DPEP1: variants seen among roughly 807,000 people sequenced by gnomAD.
DPEP1 encodes the protein dipeptidase 1.
DPEP1 carries 50 observed loss-of-function variants against 42.3 expected under a neutral mutation model. The observed-to-expected ratio is 1.18, with a 90% CI of 0.94 to 1.50. The LOEUF (loss-of-function observed/expected upper bound fraction) is 1.50. DPEP1 is among the 40% of genes most tolerant of loss of function. The pLI is 0.00. For synonymous variants in DPEP1, 297 were observed against 234.0 expected (o/e 1.27, Z -2.46); for missense variants, 663 against 553.0 (o/e 1.20, Z -1.99).
At chr16:89,632,459 G>A (rs57059500) in intron 2 of DPEP1, among the ~76,000 whole-genome samples, 67 of 152,298 alleles carry the variant, frequency 4.4e-4, no homozygotes, top group African/African-American at 1.5e-3. Flanking sequence ...CTGTGTGCCC[G>A]CTAAAAACGG....
intron 3 of DPEP1, 112 bp downstream of exon 3, chr16:89,636,152 C>T: frequency 1.9e-6 from 3 of 1,547,156 alleles, no homozygotes; most frequent in Non-Finnish European, 2.6e-6. Context: ...TCCCTCGGTG[C>T]CCAGGCCGAG....
chr16:89,636,408 A>G lies in DPEP1; in HGVS notation c.370+12A>G. 3 of 1,608,584 alleles carry G rather than the reference A, an allele frequency of 1.9e-6. No individual in the cohort carries two copies. The highest frequency in any genetic ancestry group is 2.5e-6 in the Non-Finnish European group (3 of 1,177,460). Reference sequence around the variant, plus strand: ...CACCAGCAGTGCAGGTGGGGTCCTGACCTGGGTCCTCCAGGTCCTGCGTCT... The same window carrying G: ...CACCAGCAGTGCAGGTGGGGTCCTGGCCTGGGTCCTCCAGGTCCTGCGTCT... On this transcript the variant is annotated intron_variant, in intron 4 of 10. Coordinates refer to ENST00000690203, the MANE Select transcript of DPEP1 (RefSeq NM_001389466.1).
rs535936796 is a variant in DPEP1 at position 89,621,447 on chromosome 16, A to T, written c.-107+7728A>T. 2.0e-4 allele frequency among the ~76,000 whole-genome samples: 31 copies of T among 152,270 alleles called. No individual in the cohort carries two copies. In the South Asian group the frequency reaches 5.2e-3, roughly 25 times the overall value. Reference sequence around the variant, plus strand: ...AGGGGCCTGTGGACTCCCCCAGTGCAGACATCAGCCTGGTCAGGAGCCAGA... The same window carrying T: ...AGGGGCCTGTGGACTCCCCCAGTGCTGACATCAGCCTGGTCAGGAGCCAGA... On this transcript the variant is annotated intron_variant, in intron 1 of 10. Coordinates refer to ENST00000690203, the MANE Select transcript of DPEP1 (RefSeq NM_001389466.1).
chr16:89,636,143 C>T, intron 3 of DPEP1, 103 bp downstream of exon 3: 3 of 1,546,170 alleles, frequency 1.9e-6, no homozygotes, highest in Non-Finnish European at 1.7e-6. Flanking sequence ...CCTCCAGGGT[C>T]CCTCGGTGCC....
intron 1 of DPEP1, among the ~76,000 whole-genome samples, chr16:89,625,943 C>T (rs2059505618): frequency 6.6e-6 from 1 of 152,176 alleles, no homozygotes; most frequent in South Asian, 2.1e-4. Flanking sequence ...CCCTGCCCAA[C>T]CCCCAGGACG....
intron 1 of DPEP1, among the ~76,000 whole-genome samples, chr16:89,629,833 C>T (rs773541140): frequency 1.3e-5 from 2 of 152,184 alleles, no homozygotes; most frequent in South Asian, 2.1e-4. Context: ...ACAGGGCAGG[C>T]GCCAGGGGCA....
chr16:89,618,320 C>T (rs1038322535), intron 1 of DPEP1, among the ~76,000 whole-genome samples: 28 of 152,028 alleles, frequency 1.8e-4, no homozygotes, highest in African/African-American at 6.8e-4. Context: ...GGACTCAAGC[C>T]ATCTTCCTGC....
At chr16:89,641,220 CG>C (rs58339247), downstream of DPEP1, among the ~76,000 whole-genome samples, 92,418 of 151,726 alleles carry the variant, frequency 0.61, 29,082 homozygotes, top group East Asian at 0.98. Flanking sequence ...CGGAGGGCTG[CG>C]GGGGGGGGTT....
Position 89,638,185 on chromosome 16 carries a change from C to A in DPEP1, c.1199C>A (p.Ser400Tyr), listed in dbSNP as rs751119130. ...LHRHWGLLLASLAPLVLCLSL... is the reference protein window; with the variant it reads ...LHRHWGLLLAYLAPLVLCLSL... ...CGCCACTGGGGGCTCCTGCTGGCCT[C>A]CCTCGCTCCCCTGGTCCTCTGTCTG... The change falls in exon 11 of 11, where the codon TCC becomes TAC. Residue 400 changes from serine to tyrosine, a missense_variant. Physicochemically the swap from Ser to Tyr is moderately radical, Grantham distance 144. Coordinates refer to ENST00000690203, the MANE Select transcript of DPEP1 (RefSeq NM_001389466.1). 1 of 1,594,810 alleles carries A rather than the reference C, an allele frequency of 6.3e-7. No homozygotes were observed. Among genetic ancestry groups the A allele is most frequent in the Admixed American group, 1.7e-5 (1 of 58,632 alleles).
At chr16:89,625,974 C>T (rs1468709962) in intron 1 of DPEP1, among the ~76,000 whole-genome samples, 3 of 152,302 alleles carry the variant, frequency 2.0e-5, no homozygotes, top group East Asian at 1.9e-4. Context: ...GAATTAAGTC[C>T]GTGGCTTTGA....
downstream of DPEP1, among the ~76,000 whole-genome samples, chr16:89,639,547 ACACACCC>A: frequency 2.0e-5 from 2 of 98,064 alleles, no homozygotes; most frequent in Non-Finnish European, 4.0e-5. Flanking sequence ...CTGCACACAC[ACACACCC>A]CACACCCTGC....
intron 1 of DPEP1, among the ~76,000 whole-genome samples, chr16:89,621,946 G>A (rs1179432358): frequency 2.0e-5 from 3 of 152,158 alleles, no homozygotes; most frequent in African/African-American, 4.8e-5. Context: ...CCACGGTGGC[G>A]TCTGCATGTT....
At position 89,638,189 on chromosome 16, in the gene DPEP1, C is replaced by A; in HGVS notation, c.1203C>A (p.Leu401=). 6.3e-7 allele frequency: 1 copy of A among 1,594,020 alleles called. No homozygotes were observed. Among genetic ancestry groups the A allele is most frequent in the Non-Finnish European group, 8.6e-7 (1 of 1,168,588 alleles). Residue 401 remains leucine (L), a synonymous_variant, in exon 11 of 11, where the codon CTC becomes CTA. Coordinates refer to ENST00000690203, the MANE Select transcript of DPEP1 (RefSeq NM_001389466.1). The part of the protein sequence containing the change: ...HRHWGLLLAS[L]APLVLCLSLL ...ACTGGGGGCTCCTGCTGGCCTCCCT[C>A]GCTCCCCTGGTCCTCTGTCTGTCTC... is the stretch of plus-strand genomic sequence containing the variant.
At chr16:89,636,747 G>A in intron 5 of DPEP1, 64 bp downstream of exon 5, 1 of 1,603,320 alleles carries the variant, frequency 6.2e-7, no homozygotes, top group Non-Finnish European at 8.5e-7. Context: ...GACACTCCCT[G>A]CCACCCTCCA....
Position 89,636,925 on chromosome 16 carries a change from C to A in DPEP1, c.581C>A (p.Pro194His). 1 of 1,612,492 alleles carries A rather than the reference C, an allele frequency of 6.2e-7. No individual in the cohort carries two copies. The highest frequency in any genetic ancestry group is 2.2e-5 in the East Asian group (1 of 44,884). ...DSEPQSQGLS[P>H]FGQRVVKELN... ...GAGCCCCAGAGCCAAGGCTTGTCACCCTTTGGGCAGGTGAGTGGGGTGGGA... is the reference window on the plus strand; with the variant it reads ...GAGCCCCAGAGCCAAGGCTTGTCACACTTTGGGCAGGTGAGTGGGGTGGGA... The change falls in exon 6 of 11, where the codon CCC becomes CAC. Residue 194 changes from proline to histidine, a missense_variant. Transcript: ENST00000690203.
chr16:89,627,510 G>A (rs999275746), intron 1 of DPEP1, among the ~76,000 whole-genome samples: 7 of 151,670 alleles, frequency 4.6e-5, no homozygotes, highest in Admixed American at 2.6e-4. Flanking sequence ...TTGAGGCAGA[G>A]GTTGCCGTGA....
At chr16:89,636,967 G>T in intron 6 of DPEP1, 32 bp downstream of exon 6, 1 of 1,609,336 alleles carries the variant, frequency 6.2e-7, no homozygotes, top group South Asian at 1.1e-5. Context: ...AGTCACCCCC[G>T]AGGAGAAGGC....
At chr16:89,639,520 C>G (rs2059728594), downstream of DPEP1, among the ~76,000 whole-genome samples, 1 of 130,920 alleles carries the variant, frequency 7.6e-6, no homozygotes, top group Admixed American at 7.6e-5. Context: ...CTCATCCTTG[C>G]ACACACACCC....
rs1385250046 is a variant in DPEP1 at position 89,636,700 on chromosome 16, G to A, written c.521+17G>A. On this transcript the variant is annotated intron_variant, in intron 5 of 10. Transcript: ENST00000690203. ...CACGCCCTGGTGCGTGACTCCCCATGGGAGGCCCCCGGGCTGTGGTCAGGA... is the reference window on the plus strand; with the variant it reads ...CACGCCCTGGTGCGTGACTCCCCATAGGAGGCCCCCGGGCTGTGGTCAGGA... 1.2e-6 allele frequency: 2 copies of A among 1,611,554 alleles called. No individual in the cohort carries two copies. Among genetic ancestry groups the A allele is most frequent in the South Asian group, 1.1e-5 (1 of 91,064 alleles).
Sources: gnomAD v4.1 joint callset for allele counts (sites outside exome capture counted in the v4.1 genomes callset) on GRCh38, gnomAD v4.1.1 for gene constraint, MANE v1.5 for transcripts, NCBI Gene and HGNC (gene_info 2026-07-23, HGNC 2026-07-21) for gene names.